RAD51B: variants seen among roughly 807,000 people sequenced by gnomAD.
RAD51B encodes the protein RAD51 paralog B, also known as DNA repair protein RAD51 homolog 2.
Under a neutral mutation model 42.2 loss-of-function variants are expected in RAD51B, and 38 were observed. That is an observed-to-expected ratio of 0.90 (90% CI 0.70 to 1.18). The LOEUF (loss-of-function observed/expected upper bound fraction) is 1.18. Among genes scored for constraint, RAD51B ranks in the 50% most tolerant of loss-of-function variants. The probability of loss-of-function intolerance (pLI) is 0.00; values close to 1 mark genes in which losing one functional copy is unlikely to be tolerated. For synonymous variants in RAD51B, 154 were observed against 145.2 expected (o/e 1.06, Z -0.43); for missense variants, 373 against 400.7 (o/e 0.93, Z 0.59).
chr14:68,507,581 G>T (rs1358147308), intron 10 of RAD51B, among the ~76,000 whole-genome samples: 1 of 152,134 alleles, frequency 6.6e-6, no homozygotes, highest in Non-Finnish European at 1.5e-5. Context: ...AGAAGAAACT[G>T]CACTCTCTAA....
intron 10 of RAD51B, among the ~76,000 whole-genome samples, chr14:68,490,830 C>G (rs1389637957): frequency 6.6e-6 from 1 of 152,096 alleles, no homozygotes; most frequent in Non-Finnish European, 1.5e-5. Context: ...GCAGGAAGGA[C>G]AGCAGAGAGA....
At chr14:68,596,076 T>C (rs1435817643), downstream of RAD51B, 1 of 1,030,136 alleles carries the variant, frequency 9.7e-7, no homozygotes, top group South Asian at 4.7e-5. Flanking sequence ...TCTTATCCCA[T>C]GTCTATTCTC....
chr14:67,970,662 T>C (rs2074878485), intron 7 of RAD51B, among the ~76,000 whole-genome samples: 1 of 152,142 alleles, frequency 6.6e-6, no homozygotes, highest in Non-Finnish European at 1.5e-5. Context: ...ATTCTCATTC[T>C]AAATTCCACT....
chr14:68,146,872 G>C (rs905936280), intron 7 of RAD51B, among the ~76,000 whole-genome samples: 15 of 152,112 alleles, frequency 9.9e-5, no homozygotes, highest in African/African-American at 3.6e-4. Context: ...TCTTAGATTA[G>C]ATTAAGAGCC....
chr14:67,871,683 C>A (rs2042537912), intron 5 of RAD51B, among the ~76,000 whole-genome samples: 1 of 152,042 alleles, frequency 6.6e-6, no homozygotes, highest in South Asian at 2.1e-4. Flanking sequence ...ATGCAAAAAT[C>A]CTCAATAAAA....
At chr14:68,407,245 T>A (rs1415312720) in intron 8 of RAD51B, among the ~76,000 whole-genome samples, 1 of 152,148 alleles carries the variant, frequency 6.6e-6, no homozygotes, top group Non-Finnish European at 1.5e-5. Context: ...AGTAAATACA[T>A]AAAAGTGTAG....
Position 67,865,069 on chromosome 14 carries a change from C to T in RAD51B, c.382C>T (p.Pro128Ser), listed in dbSNP as rs1217679064. The T allele has an allele frequency of 6.4e-7, 1 of 1,560,638 alleles. No individual in the cohort carries two copies. The highest frequency in any genetic ancestry group is 8.7e-7 in the Non-Finnish European group (1 of 1,150,464). The change falls in exon 5 of 11, where the codon CCC (proline) becomes TCC (serine). Residue 128 changes from proline (P) to serine (S), a missense_variant. Pro to Ser is a moderately conservative substitution (Grantham distance 74). Coordinates refer to ENST00000471583, the MANE Select transcript of RAD51B (RefSeq NM_133510.4). ...CIMMSILATL[P>S]TNMGGLEGAV... ...AATGATGAGCATTTTGGCTACATTA[C>T]CCACCAACATGGGAGGATTAGAAGG...
intron 7 of RAD51B, among the ~76,000 whole-genome samples, chr14:68,223,988 T>C (rs2079983872): frequency 6.6e-6 from 1 of 152,210 alleles, no homozygotes; most frequent in Admixed American, 6.5e-5. Flanking sequence ...TCAGCCATGT[T>C]TTTTTGTTGT....
intron 8 of RAD51B, among the ~76,000 whole-genome samples, chr14:68,297,215 C>A (rs951381796): frequency 2.0e-5 from 3 of 152,192 alleles, no homozygotes; most frequent in African/African-American, 7.2e-5. Context: ...AAGCAAACTT[C>A]AAAGCGCGGT....
intron 7 of RAD51B, among the ~76,000 whole-genome samples, chr14:67,974,825 CTT>C (rs764648373): frequency 5.9e-5 from 9 of 152,192 alleles, no homozygotes; most frequent in East Asian, 3.9e-4. Context: ...TTGTATATCT[CTT>C]ATAATTTTTA....
At position 68,536,556 on chromosome 14, in the gene RAD51B, G is replaced by A. The variant is rs78231121; in HGVS notation, c.1037-57929G>A. Among the ~76,000 whole-genome samples, 1,152 of 152,274 alleles carry A rather than the reference G, an allele frequency of 7.6e-3. 13 individuals carry two copies. The highest frequency in any genetic ancestry group is 9.7e-3 in the Non-Finnish European group (663 of 68,020). On this transcript the variant is annotated intron_variant, in intron 10 of 10. Transcript: ENST00000487270. ...TCTATCAAACTCTATTTCTTTGGAAGGAACTCTTAAATTTACTGTCACATA... is the reference window on the plus strand; with the variant it reads ...TCTATCAAACTCTATTTCTTTGGAAAGAACTCTTAAATTTACTGTCACATA...
intron 7 of RAD51B, among the ~76,000 whole-genome samples, chr14:68,283,531 C>T (rs2139634135): frequency 6.6e-6 from 1 of 152,360 alleles, no homozygotes; most frequent in African/African-American, 2.4e-5. Flanking sequence ...CTGGAAGCCA[C>T]TGTGGCTGCA....
At chr14:68,628,624 G>T (rs946293054) in intron 10 of RAD51B, among the ~76,000 whole-genome samples, 2 of 152,236 alleles carry the variant, frequency 1.3e-5, no homozygotes, top group East Asian at 3.8e-4. Context: ...TGGCCGGCGC[G>T]ATGGGGACGC....
chr14:68,553,309 G>T (rs1888669585), intron 10 of RAD51B, among the ~76,000 whole-genome samples: 1 of 152,208 alleles, frequency 6.6e-6, no homozygotes, highest in Non-Finnish European at 1.5e-5. Context: ...TCTATAGAAA[G>T]AGTAATATGG....
At position 68,468,108 on chromosome 14, in the gene RAD51B, G is replaced by T. The variant is rs770540536; in HGVS notation, c.958-64G>T. 5.9e-5 allele frequency: 81 copies of T among 1,375,618 alleles called. No individual in the cohort carries two copies. In the Admixed American group the frequency reaches 6.2e-4, roughly 11 times the overall value. 85.2% of individuals were successfully genotyped at this position (1,375,618 alleles called of 1,614,324 possible). A position where few individuals can be genotyped will look rare whatever the true frequency, so the allele number is the denominator to read the frequency against. On this transcript the variant is annotated intron_variant, in intron 9 of 10. Coordinates refer to ENST00000471583, the MANE Select transcript of RAD51B (RefSeq NM_133510.4). Reference sequence around the variant, plus strand: ...ACCACTTTGTCTCAAAGTGGGAAGGGGAGTGAATAGAGGCCCATCCCTGAT... The same window carrying T: ...ACCACTTTGTCTCAAAGTGGGAAGGTGAGTGAATAGAGGCCCATCCCTGAT...
At chr14:68,064,845 G>A (rs1160466656) in intron 7 of RAD51B, among the ~76,000 whole-genome samples, 1 of 151,996 alleles carries the variant, frequency 6.6e-6, no homozygotes, top group African/African-American at 2.4e-5. Flanking sequence ...GTCTATCCCT[G>A]CATTGAATTT....
At chr14:68,423,491 C>T (rs1458489465) in intron 9 of RAD51B, among the ~76,000 whole-genome samples, 1 of 152,190 alleles carries the variant, frequency 6.6e-6, no homozygotes, top group Non-Finnish European at 1.5e-5. Context: ...AATTGGAGCA[C>T]ATTGAACGTT....
chr14:68,654,264 G>A (rs1455634102), intron 11 of RAD51B, among the ~76,000 whole-genome samples: 10 of 152,222 alleles, frequency 6.6e-5, no homozygotes, highest in African/African-American at 1.9e-4. Context: ...CTGGTGGTTC[G>A]GTCTTGGCAT....
chr14:68,076,038 T>C (rs925404708), intron 7 of RAD51B, among the ~76,000 whole-genome samples: 3 of 152,166 alleles, frequency 2.0e-5, no homozygotes, highest in African/African-American at 7.2e-5. Context: ...GGTTTAGGGG[T>C]ACTTTCTACA....
Sources: gnomAD v4.1 joint callset for allele counts (sites outside exome capture counted in the v4.1 genomes callset) on GRCh38, gnomAD v4.1.1 for gene constraint, MANE v1.5 for transcripts, NCBI Gene and HGNC (gene_info 2026-07-23, HGNC 2026-07-21) for gene names.